Variants in PNPLA8 observed in about 807,000 individuals in gnomAD.
PNPLA8 encodes calcium-independent phospholipase A2-gamma.
In PNPLA8, 39 loss-of-function variants were observed where a neutral mutation model predicts 76.9. The observed-to-expected ratio is 0.51, with a 90% CI of 0.39 to 0.66. PNPLA8 has a LOEUF of 0.66. PNPLA8 is among the 30% of genes least tolerant of loss of function. The pLI is 0.00. For synonymous variants in PNPLA8, 301 were observed against 307.9 expected (o/e 0.98, Z 0.24); for missense variants, 887 against 918.0 (o/e 0.97, Z 0.44).
At position 108,496,077 on chromosome 7, in the gene PNPLA8, C is replaced by T. The variant is rs545481917; in HGVS notation, c.1625+507G>A. Among the ~76,000 whole-genome samples, 3 of 152,034 alleles carry T rather than the reference C, an allele frequency of 2.0e-5. No homozygotes were observed. The South Asian group carries it at 6.2e-4, about 32-fold the overall frequency. Reference sequence around the variant, plus strand: ...GGTGAAATCTTCTCTCTACTAAAAACAGAAAAAATTAGCTGGGCATGGTGG... The same window carrying T: ...GGTGAAATCTTCTCTCTACTAAAAATAGAAAAAATTAGCTGGGCATGGTGG... On this transcript the variant is annotated intron_variant, in intron 7 of 10. Coordinates refer to ENST00000257694, the MANE Select transcript of PNPLA8 (RefSeq NM_001256007.3).
At chr7:108,503,422 GATCA>G (rs1862109717) in intron 4 of PNPLA8, among the ~76,000 whole-genome samples, 1 of 152,056 alleles carries the variant, frequency 6.6e-6, no homozygotes, top group Non-Finnish European at 1.5e-5. Flanking sequence ...TCTTTTTTAT[GATCA>G]ATCAACCTGA....
At chr7:108,484,263 G>C (rs911248347) in intron 9 of PNPLA8, among the ~76,000 whole-genome samples, 1 of 152,140 alleles carries the variant, frequency 6.6e-6, no homozygotes, top group Non-Finnish European at 1.5e-5. Context: ...CTAATCTAGT[G>C]GTGAAGCATA....
intron 9 of PNPLA8, chr7:108,480,847 T>C (rs1048129541): frequency 1.6e-5 from 4 of 255,306 alleles, no homozygotes; most frequent in Non-Finnish European, 2.5e-5. Context: ...TACAGAATAG[T>C]TCCATCACCC....
At chr7:108,474,995 C>A (rs888989930) in intron 10 of PNPLA8, among the ~76,000 whole-genome samples, 2 of 152,166 alleles carry the variant, frequency 1.3e-5, no homozygotes, top group Non-Finnish European at 2.9e-5. Flanking sequence ...TACAGCCACT[C>A]TCCATCGCTT....
intron 7 of PNPLA8, among the ~76,000 whole-genome samples, chr7:108,495,866 C>T (rs374703607): frequency 2.0e-5 from 3 of 151,996 alleles, no homozygotes; most frequent in African/African-American, 7.3e-5. Flanking sequence ...GAGAAGGATA[C>T]GAATTTACAA....
chr7:108,526,446 C>A, upstream of PNPLA8: 1 of 153,568 alleles, frequency 6.5e-6, no homozygotes, highest in Non-Finnish European at 1.5e-5. Context: ...AGCGGTGGGA[C>A]TTCGTTTTGC....
chr7:108,510,082 ATGAG>A (rs1862787404), intron 4 of PNPLA8, among the ~76,000 whole-genome samples: 2 of 139,076 alleles, frequency 1.4e-5, no homozygotes, highest in Non-Finnish European at 3.1e-5. Flanking sequence ...ATGCTAGATG[ATGAG>A]TTAGTGGGTG....
At chr7:108,511,069 T>C in intron 4 of PNPLA8, 1 of 697,780 alleles carries the variant, frequency 1.4e-6, no homozygotes, top group Non-Finnish European at 2.3e-6. Flanking sequence ...AGAAAACTGG[T>C]AACTAAATAC....
intron 4 of PNPLA8, among the ~76,000 whole-genome samples, chr7:108,512,822 A>G (rs1375332786): frequency 6.6e-6 from 1 of 152,098 alleles, no homozygotes; most frequent in Non-Finnish European, 1.5e-5. Flanking sequence ...ATTTTTTCAT[A>G]GTATTGAAAG....
At chr7:108,498,953 A>G (rs1270945733) in intron 5 of PNPLA8, among the ~76,000 whole-genome samples, 1 of 152,242 alleles carries the variant, frequency 6.6e-6, no homozygotes, top group Non-Finnish European at 1.5e-5. Flanking sequence ...AATGTTAACA[A>G]GAAGTAACTA....
At chr7:108,472,736 G>T in intron 10 of PNPLA8, 61 bp from the exon 11 acceptor site, 1 of 1,172,502 alleles carries the variant, frequency 8.5e-7, no homozygotes, top group South Asian at 1.8e-5. Context: ...AGTGAGCAAT[G>T]AACTGTTAAT....
chr7:108,472,272 T>TC lies in PNPLA8; in HGVS notation c.*128dup, dbSNP rs1859671274. ...GCTATGCAAGCTGGTTGAAGCACCGTCTTTTTCAGGATTCTCCAGAATTCA... is the reference window on the plus strand; with the variant it reads ...GCTATGCAAGCTGGTTGAAGCACCGTCCTTTTTCAGGATTCTCCAGAATTCA... On this transcript the variant is annotated 3_prime_UTR_variant, in exon 11 of 11. Transcript: ENST00000257694. 1 of 653,622 alleles carries TC rather than the reference T, an allele frequency of 1.5e-6. No homozygotes were observed. Among genetic ancestry groups the TC allele is most frequent in the Non-Finnish European group, 2.6e-6 (1 of 381,076 alleles). 40.5% of individuals were successfully genotyped at this position (653,622 alleles called of 1,614,324 possible). A position where few individuals can be genotyped will look rare whatever the true frequency, so the allele number is the denominator to read the frequency against.
Position 108,514,133 on chromosome 7 carries a change from T to A in PNPLA8, c.1206+11A>T, listed in dbSNP as rs373925062. On this transcript the variant is annotated intron_variant, in intron 4 of 10. Transcript: ENST00000257694. ...CCAAGACAAAACTAGATTAAATAAA[T>A]TAGAAATTACCTTGACAGCCACTCC... The A allele has an allele frequency of 6.4e-7, 1 of 1,570,794 alleles. No individual in the cohort carries two copies. Among genetic ancestry groups the A allele is most frequent in the Non-Finnish European group, 8.7e-7 (1 of 1,151,726 alleles).
At chr7:108,495,140 C>A (rs1861461459) in intron 7 of PNPLA8, among the ~76,000 whole-genome samples, 1 of 152,110 alleles carries the variant, frequency 6.6e-6, no homozygotes, top group African/African-American at 2.4e-5. Flanking sequence ...TATTGAAGAA[C>A]AAATTCAGCC....
chr7:108,489,126 A>G (rs1352911480), intron 8 of PNPLA8, among the ~76,000 whole-genome samples: 5 of 152,234 alleles, frequency 3.3e-5, no homozygotes, highest in Admixed American at 2.6e-4. Flanking sequence ...AAAGTTCCCC[A>G]TAACTTTTAT....
rs1419790836 is a variant in PNPLA8 at position 108,470,992 on chromosome 7, G to T, written c.*1409C>A. On this transcript the variant is annotated 3_prime_UTR_variant, in exon 11 of 11. Transcript: ENST00000257694. ...GCAATATGACTATCTGGGCAACAGG[G>T]TCTAGCTTTAGTTTGTATGTCTAAA... 1 of 152,128 alleles carries T rather than the reference G, an allele frequency of 6.6e-6. No homozygotes were observed. The highest frequency in any genetic ancestry group is 2.4e-5 in the African/African-American group (1 of 41,422). 9.4% of individuals were successfully genotyped at this position (152,128 alleles called of 1,614,324 possible). A position where few individuals can be genotyped will look rare whatever the true frequency, so the allele number is the denominator to read the frequency against.
At chr7:108,523,379 C>T (rs1264325791) in intron 1 of PNPLA8, among the ~76,000 whole-genome samples, 3 of 151,582 alleles carry the variant, frequency 2.0e-5, no homozygotes, top group African/African-American at 7.3e-5. Flanking sequence ...CTGAGGAATT[C>T]AGAAACAATT....
At chr7:108,513,079 C>A (rs1266753114) in intron 4 of PNPLA8, among the ~76,000 whole-genome samples, 1 of 152,082 alleles carries the variant, frequency 6.6e-6, no homozygotes, top group African/African-American at 2.4e-5. Context: ...TTGGACTGCC[C>A]AGCCTCCAGA....
At position 108,470,718 on chromosome 7, in the gene PNPLA8, A is replaced by G. The variant is rs1455745586; in HGVS notation, c.*1683T>C. On this transcript the variant is annotated 3_prime_UTR_variant, in exon 11 of 11. Coordinates refer to ENST00000257694, the MANE Select transcript of PNPLA8 (RefSeq NM_001256007.3). The stretch of plus-strand genomic sequence containing the variant: ...ATTTGTGGTCTGAAAGAACTATATT[A>G]TCTTTAGAAATCATTGGTAGTTTCC... 1 of 152,186 alleles carries G rather than the reference A, an allele frequency of 6.6e-6. No homozygotes were observed. Among genetic ancestry groups the G allele is most frequent in the Non-Finnish European group, 1.5e-5 (1 of 68,024 alleles). 9.4% of individuals were successfully genotyped at this position (152,186 alleles called of 1,614,324 possible).
Sources: allele counts gnomAD v4.1 joint callset (sites outside exome capture counted in the v4.1 genomes callset), GRCh38; gene constraint gnomAD v4.1.1; transcripts MANE v1.5; gene names NCBI Gene and HGNC (gene_info 2026-07-23, HGNC 2026-07-21).